MARK3: variants seen among roughly 807,000 people sequenced by gnomAD.
MARK3 encodes the protein microtubule affinity regulating kinase 3.
Under a neutral mutation model 90.1 loss-of-function variants are expected in MARK3, and 46 were observed. That is an observed-to-expected ratio of 0.51 (90% CI 0.40 to 0.65). MARK3 has a LOEUF of 0.65. Ranked by LOEUF, MARK3 falls within the 30% of genes least tolerant of loss-of-function variation. The probability of loss-of-function intolerance (pLI) is 0.00; values close to 1 mark genes in which losing one functional copy is unlikely to be tolerated. For synonymous variants in MARK3, 321 were observed against 332.6 expected (o/e 0.97, Z 0.38); for missense variants, 818 against 947.2 (o/e 0.86, Z 1.79).
At chr14:103,397,046 A>G (rs965644352) in intron 1 of MARK3, among the ~76,000 whole-genome samples, 8 of 152,190 alleles carry the variant, frequency 5.3e-5, no homozygotes, top group Admixed American at 4.6e-4. Flanking sequence ...ATTTAATTTA[A>G]CGTATTAAAT....
intron 12 of MARK3, among the ~76,000 whole-genome samples, chr14:103,472,870 G>T (rs1181587422): frequency 6.6e-6 from 1 of 151,926 alleles, no homozygotes; most frequent in Non-Finnish European, 1.5e-5. Context: ...GCCGGGCATG[G>T]TGGCAGGCGC....
chr14:103,466,506 C>A, intron 10 of MARK3, 64 bp downstream of exon 10: 1 of 997,842 alleles, frequency 1.0e-6, no homozygotes, highest in Non-Finnish European at 1.5e-6. Flanking sequence ...TGTTTTGACT[C>A]ATGTCTGTGC....
At chr14:103,407,595 T>C (rs1168214722) in intron 2 of MARK3, among the ~76,000 whole-genome samples, 1 of 131,846 alleles carries the variant, frequency 7.6e-6, no homozygotes, top group Non-Finnish European at 1.6e-5. Context: ...GGAGTCTAGC[T>C]CTGTCGCCAG....
At chr14:103,412,830 G>T in intron 2 of MARK3, 4 of 343,350 alleles carry the variant, frequency 1.2e-5, no homozygotes, top group South Asian at 2.6e-5. Flanking sequence ...TAGTTTGGGA[G>T]GAAATTGATA....
rs182502605 is a variant in MARK3, at chr14:103,405,147, C to T, written c.123C>T (p.Asn41=). ...GCCGCTCAGGAGCTCGGTGTAGAAA[C>T]TCTATAGCCTCCTGTGCAGATGAAC... ...RTSRSGARCR[N]SIASCADEQP... The change falls in exon 2 of 18, where the codon AAC becomes AAT. Residue 41 remains asparagine (N), a synonymous_variant. Transcript: ENST00000429436. 9.4e-5 allele frequency: 151 copies of T among 1,613,006 alleles called. No individual in the cohort carries two copies. The African/African-American group carries it at 1.9e-3, about 20-fold the overall frequency.
chr14:103,400,943 T>TTGTGTGTG (rs61635275), intron 1 of MARK3, among the ~76,000 whole-genome samples: 7,563 of 123,430 alleles, frequency 0.061, 347 homozygotes, highest in East Asian at 0.13. Flanking sequence ...ATATAACATT[T>TTGTGTGTG]TGTGTGTGTG....
At chr14:103,464,360 G>A (rs2093463070) in intron 7 of MARK3, among the ~76,000 whole-genome samples, 1 of 136,546 alleles carries the variant, frequency 7.3e-6, no homozygotes, top group Non-Finnish European at 1.5e-5. Flanking sequence ...GTGCAGTGGT[G>A]CGATCTCTGC....
At chr14:103,415,581 G>A (rs1347396444) in intron 2 of MARK3, among the ~76,000 whole-genome samples, 1 of 151,906 alleles carries the variant, frequency 6.6e-6, no homozygotes, top group Non-Finnish European at 1.5e-5. Flanking sequence ...GGTTATTTTG[G>A]TGTGAAATAT....
chr14:103,400,331 G>A (rs2140577165), intron 1 of MARK3, among the ~76,000 whole-genome samples: 1 of 152,164 alleles, frequency 6.6e-6, no homozygotes, highest in East Asian at 1.9e-4. Flanking sequence ...TAAGCCAGAT[G>A]GCTATCTCTA....
chr14:103,426,451 C>T (rs1349153865), intron 2 of MARK3, among the ~76,000 whole-genome samples: 1 of 152,014 alleles, frequency 6.6e-6, no homozygotes, highest in East Asian at 1.9e-4. Context: ...GCTATAGATG[C>T]TTTCTTCAGG....
intron 2 of MARK3, chr14:103,417,558 T>G (rs1397714130): frequency 6.6e-6 from 1 of 152,200 alleles, no homozygotes; most frequent in Non-Finnish European, 1.5e-5. Context: ...TAGTCTTCAT[T>G]CATTGTTCTT....
chr14:103,446,225 A>G (rs1339156288), intron 3 of MARK3, among the ~76,000 whole-genome samples: 1 of 152,228 alleles, frequency 6.6e-6, no homozygotes, highest in African/African-American at 2.4e-5. Flanking sequence ...AGACATTTAA[A>G]GGAATTTAGT....
intron 15 of MARK3, among the ~76,000 whole-genome samples, chr14:103,495,915 T>G (rs1235073283): frequency 6.6e-6 from 1 of 152,226 alleles, no homozygotes; most frequent in Non-Finnish European, 1.5e-5. Context: ...GTGTTTGCAC[T>G]TAGATGCTGC....
chr14:103,482,537 T>G (rs745711292), intron 14 of MARK3, among the ~76,000 whole-genome samples: 3 of 151,942 alleles, frequency 2.0e-5, no homozygotes, highest in Non-Finnish European at 2.9e-5. Context: ...AAAAAGTTGT[T>G]TCATTACCTT....
Position 103,503,767 on chromosome 14 carries a change from T to C in MARK3, c.*540T>C, listed in dbSNP as rs1190123647. 6.5e-6 allele frequency: 1 copy of C among 153,338 alleles called. No individual in the cohort carries two copies. Among genetic ancestry groups the C allele is most frequent in the East Asian group, 1.9e-4 (1 of 5,212 alleles). 9.5% of individuals were successfully genotyped at this position (153,338 alleles called of 1,614,324 possible). ...GGTTTAAATTTATAGTTGTGAACAT[T>C]GCTTGTGTGTGTTTTTCTAAGTAGA... On this transcript the variant is annotated 3_prime_UTR_variant, in exon 18 of 18. Transcript: ENST00000429436.
chr14:103,475,465 CT>C (rs1330286179), intron 13 of MARK3, among the ~76,000 whole-genome samples: 2 of 4,688 alleles, frequency 4.3e-4, no homozygotes, highest in Non-Finnish European at 0.011. Context: ...ACATTTATTT[CT>C]TAACAATTCT....
chr14:103,386,335 G>C, intron 1 of MARK3: 1 of 693,430 alleles, frequency 1.4e-6, no homozygotes, highest in South Asian at 1.5e-5. Context: ...GAGTTGCAGC[G>C]TTACGGATCG....
chr14:103,438,423 A>G (rs2092768992), intron 3 of MARK3, among the ~76,000 whole-genome samples: 1 of 152,220 alleles, frequency 6.6e-6, no homozygotes, highest in South Asian at 2.1e-4. Context: ...TAAATTTATA[A>G]CATCAAATAG....
At chr14:103,497,079 A>G (rs2075391092) in intron 15 of MARK3, among the ~76,000 whole-genome samples, 1 of 152,162 alleles carries the variant, frequency 6.6e-6, no homozygotes, top group African/African-American at 2.4e-5. Context: ...GAAAATTAGG[A>G]AACGAAAATA....
Sources: allele counts gnomAD v4.1 joint callset (sites outside exome capture counted in the v4.1 genomes callset), GRCh38; gene constraint gnomAD v4.1.1; transcripts MANE v1.5; gene names NCBI Gene and HGNC (gene_info 2026-07-23, HGNC 2026-07-21).